The following OTOGL variants were observed in gnomAD, a reference collection of about 807,000 sequenced individuals.
OTOGL encodes the protein otogelin like, also known as otogelin-like protein.
In OTOGL, 285 loss-of-function variants were observed where a neutral mutation model predicts 318.5. The observed-to-expected ratio is 0.89, with a 90% CI of 0.81 to 0.99. The LOEUF is 0.99. Ranked by LOEUF, OTOGL falls within the 50% of genes least tolerant of loss-of-function variation. OTOGL has a pLI of 0.00. For synonymous variants in OTOGL, 987 were observed against 936.5 expected (o/e 1.05, Z -0.99); for missense variants, 2,899 against 2,845.6 (o/e 1.02, Z -0.43).
intron 1 of OTOGL, among the ~76,000 whole-genome samples, chr12:80,139,420 G>A (rs1203949128): frequency 6.6e-6 from 1 of 152,108 alleles, no homozygotes; most frequent in South Asian, 2.1e-4. Context: ...CAGTTACAAC[G>A]TTCAGTGTTG....
intron 19 of OTOGL, among the ~76,000 whole-genome samples, chr12:80,264,770 T>G (rs1481285824): frequency 6.7e-6 from 1 of 150,342 alleles, no homozygotes; most frequent in Non-Finnish European, 1.5e-5. Context: ...CTATTACTCA[T>G]GTTATTCAGG....
intron 24 of OTOGL, among the ~76,000 whole-genome samples, chr12:80,276,620 AT>A: frequency 6.6e-6 from 1 of 151,768 alleles, no homozygotes; most frequent in South Asian, 2.1e-4. Flanking sequence ...TAGGAGAAAA[AT>A]TTTCTAGGAA....
intron 57 of OTOGL, among the ~76,000 whole-genome samples, chr12:80,375,644 A>G (rs1891137915): frequency 6.6e-6 from 1 of 152,134 alleles, no homozygotes; most frequent in Admixed American, 6.6e-5. Flanking sequence ...CATGGTGAAG[A>G]GTGTTCAAAG....
At chr12:80,342,382 C>T (rs1258089976) in intron 44 of OTOGL, among the ~76,000 whole-genome samples, 1 of 151,994 alleles carries the variant, frequency 6.6e-6, no homozygotes. Flanking sequence ...AGAATTATAT[C>T]TACAGCTTTC....
chr12:80,254,614 TTAGAC>T, intron 15 of OTOGL, 44 bp downstream of exon 15: 1 of 1,505,976 alleles, frequency 6.6e-7, no homozygotes, highest in Non-Finnish European at 9.2e-7. Context: ...TCAAATTTCT[TTAGAC>T]TGGGGAGAAA....
intron 21 of OTOGL, 80 bp downstream of exon 21, chr12:80,266,696 T>G: frequency 7.4e-7 from 1 of 1,357,496 alleles, no homozygotes; most frequent in South Asian, 1.5e-5. Flanking sequence ...TTCATGGAAG[T>G]TTTTGAAAAA....
intron 1 of OTOGL, among the ~76,000 whole-genome samples, chr12:80,112,215 C>T (rs1056376678): frequency 8.5e-5 from 13 of 152,134 alleles, no homozygotes; most frequent in African/African-American, 3.1e-4. Flanking sequence ...GATGTCATCT[C>T]TTCCTATTTG....
chr12:80,281,472 G>C (rs576251802), intron 26 of OTOGL, among the ~76,000 whole-genome samples: 7 of 151,938 alleles, frequency 4.6e-5, no homozygotes, highest in African/African-American at 1.7e-4. Context: ...TTTGTTTTTA[G>C]TTCTGTTTGT....
At chr12:80,110,055 T>TTTTC (rs1330655865) in intron 1 of OTOGL, among the ~76,000 whole-genome samples, 4 of 148,356 alleles carry the variant, frequency 2.7e-5, no homozygotes, top group Non-Finnish European at 4.4e-5. Context: ...ATTAGTTTTT[T>TTTTC]TTTCTTTCTT....
Position 80,111,113 on chromosome 12 carries a change from T to C in OTOGL, c.-20+11508T>C, listed in dbSNP as rs1274220251. 1.3e-5 allele frequency among the ~76,000 whole-genome samples: 2 copies of C among 152,258 alleles called. 1 individual carries two copies. Among genetic ancestry groups the C allele is most frequent in the African/African-American group, 4.8e-5 (2 of 41,468 alleles). ...CACTATTTGATGGGGTTATTTTTCTTGTAAATTTGTTTAAGTTCCTTGTGG... is the reference window on the plus strand; with the variant it reads ...CACTATTTGATGGGGTTATTTTTCTCGTAAATTTGTTTAAGTTCCTTGTGG... On this transcript the variant is annotated intron_variant, in intron 1 of 58. Coordinates refer to ENST00000547103, the MANE Select transcript of OTOGL (RefSeq NM_001378609.3).
intron 1 of OTOGL, among the ~76,000 whole-genome samples, chr12:80,181,512 C>T (rs1029630473): frequency 1.3e-5 from 2 of 152,098 alleles, no homozygotes; most frequent in Non-Finnish European, 2.9e-5. Context: ...GGTCCTCCTG[C>T]ATGGCAATGT....
At chr12:80,224,135 C>A (rs1330175049) in intron 7 of OTOGL, among the ~76,000 whole-genome samples, 1 of 152,078 alleles carries the variant, frequency 6.6e-6, no homozygotes, top group Non-Finnish European at 1.5e-5. Context: ...CAGTTTCATT[C>A]TTCTGCATGT....
At position 80,156,353 on chromosome 12, in the gene OTOGL, C is replaced by T. The variant is rs532603277; in HGVS notation, c.-19-53060C>T. Among the ~76,000 whole-genome samples, 6 of 152,292 alleles carry T rather than the reference C, an allele frequency of 3.9e-5. No homozygotes were observed. In the South Asian group the frequency reaches 1.2e-3, roughly 32 times the overall value. ...CCTTGCTTCTCAGCTTACAGACAGC[C>T]TATTGTGGGACCTCACCTTGTGGTC... On this transcript the variant is annotated intron_variant, in intron 1 of 58. Coordinates refer to ENST00000547103, the MANE Select transcript of OTOGL (RefSeq NM_001378609.3).
chr12:80,103,432 C>T, intron 1 of OTOGL: 1 of 631,976 alleles, frequency 1.6e-6, no homozygotes, highest in Admixed American at 2.8e-5. Flanking sequence ...GTCCCTATGC[C>T]AGAATGTTGT....
chr12:80,322,631 G>C (rs1887412938), intron 34 of OTOGL, among the ~76,000 whole-genome samples: 1 of 152,142 alleles, frequency 6.6e-6, no homozygotes, highest in African/African-American at 2.4e-5. Flanking sequence ...TTTCTTAAGA[G>C]GTTCTCTTGT....
intron 24 of OTOGL, among the ~76,000 whole-genome samples, chr12:80,272,277 G>A (rs1321878097): frequency 6.6e-6 from 1 of 151,832 alleles, no homozygotes; most frequent in East Asian, 1.9e-4. Context: ...TCAAATCCCA[G>A]CCCTGACACT....
At chr12:80,178,027 T>TTTCTA (rs1386580580) in intron 1 of OTOGL, among the ~76,000 whole-genome samples, 4 of 151,498 alleles carry the variant, frequency 2.6e-5, no homozygotes, top group Non-Finnish European at 4.4e-5. Flanking sequence ...TTTTCTGTTT[T>TTTCTA]TTCTATTCTA....
Position 80,209,455 on chromosome 12 carries a change from T to C in OTOGL, c.24T>C (p.Asn8=). 1 of 1,513,238 alleles carries C rather than the reference T, an allele frequency of 6.6e-7. No homozygotes were observed. The highest frequency in any genetic ancestry group is 1.4e-5 in the African/African-American group (1 of 72,722). 93.7% of individuals were successfully genotyped at this position (1,513,238 alleles called of 1,614,324 possible). ...AAATGAACATTGTAAGAAAACTCAATTTAATGATACCTTGGAGTATATTCT... is the reference window on the plus strand; with the variant it reads ...AAATGAACATTGTAAGAAAACTCAACTTAATGATACCTTGGAGTATATTCT... The part of the protein sequence containing the change: MNIVRKL[N]LMIPWSIFLL... The change falls in exon 2 of 59, where the codon AAT becomes AAC. Residue 8 remains asparagine, a synonymous_variant. Coordinates refer to ENST00000547103, the MANE Select transcript of OTOGL (RefSeq NM_001378609.3).
In OTOGL at chr12:80,355,746, T is replaced by C. The variant is rs775422271; in HGVS notation, c.5604T>C (p.Asp1868=). 1.9e-6 allele frequency: 3 copies of C among 1,612,848 alleles called. No homozygotes were observed. The South Asian group carries it at 3.3e-5, about 18-fold the overall frequency. Residue 1868 remains aspartate, a synonymous_variant, in exon 47 of 59, where the codon GAT becomes GAC. Coordinates refer to ENST00000547103, the MANE Select transcript of OTOGL (RefSeq NM_001378609.3). ...GTTGATCTTTTTAAGCATGCACTGA[T>C]AGTGAAGACCAACCCCGCACTGCTG... ...CIPEKECACT[D]SEDQPRTAGE... is the part of the protein sequence containing the mutation.
Sources: gnomAD v4.1 joint callset for allele counts (sites outside exome capture counted in the v4.1 genomes callset) on GRCh38, gnomAD v4.1.1 for gene constraint, MANE v1.5 for transcripts, NCBI Gene and HGNC (gene_info 2026-07-23, HGNC 2026-07-21) for gene names.